Variants in SCUBE1 observed in about 807,000 individuals in gnomAD.
SCUBE1 encodes the protein signal peptide, CUB and EGF-like domain-containing protein 1.
In SCUBE1, 59 loss-of-function variants were observed where a neutral mutation model predicts 124.4. The observed-to-expected ratio is 0.47, with a 90% CI of 0.38 to 0.59. The LOEUF (loss-of-function observed/expected upper bound fraction) is 0.59. Among genes scored for constraint, SCUBE1 ranks in the 20% least tolerant of loss-of-function variants. The probability of loss-of-function intolerance (pLI) is 0.00; values close to 1 mark genes in which losing one functional copy is unlikely to be tolerated. For missense variants in SCUBE1, 1,150 were observed against 1,371.2 expected, an observed-to-expected ratio of 0.84 and a Z score of 2.55; for synonymous variants, 545 against 550.9, an observed-to-expected ratio of 0.99 and a Z score of 0.15.
intron 1 of SCUBE1, 30 bp downstream of exon 1, chr22:43,343,144 C>T (rs1161844900): frequency 3.1e-5 from 35 of 1,117,786 alleles, no homozygotes; most frequent in Non-Finnish European, 3.6e-5. Flanking sequence ...CCCCCGCGCC[C>T]GCCGCCCCCC....
chr22:43,278,312 C>A (rs1447047910), intron 4 of SCUBE1, among the ~76,000 whole-genome samples: 1 of 152,236 alleles, frequency 6.6e-6, no homozygotes, highest in Non-Finnish European at 1.5e-5. Context: ...GCCTGGCGCC[C>A]TTGCCTGGCT....
At chr22:43,319,733 G>A (rs1230301310) in intron 3 of SCUBE1, among the ~76,000 whole-genome samples, 1 of 152,048 alleles carries the variant, frequency 6.6e-6, no homozygotes, top group African/African-American at 2.4e-5. Context: ...CCTCGATCTT[G>A]GACTGCCAGA....
intron 7 of SCUBE1, among the ~76,000 whole-genome samples, chr22:43,236,450 T>C (rs1024685625): frequency 2.6e-5 from 4 of 152,228 alleles, no homozygotes; most frequent in African/African-American, 9.6e-5. Context: ...TGCCTGGCTG[T>C]TGGTCTTCCA....
chr22:43,327,639 T>C (rs1311892098), intron 2 of SCUBE1, among the ~76,000 whole-genome samples: 1 of 151,692 alleles, frequency 6.6e-6, no homozygotes, highest in East Asian at 1.9e-4. Context: ...TACAAAAAAT[T>C]AGCCAGGCAT....
In SCUBE1 at chr22:43,203,418, T is replaced by A. The variant is rs1921087780; in HGVS notation, c.*579A>T. 6.7e-6 allele frequency: 1 copy of A among 150,038 alleles called. No individual in the cohort carries two copies. Among genetic ancestry groups the A allele is most frequent in the African/African-American group, 2.4e-5 (1 of 40,966 alleles). 9.3% of individuals were successfully genotyped at this position (150,038 alleles called of 1,614,324 possible). A position where few individuals can be genotyped will look rare whatever the true frequency, so the allele number is the denominator to read the frequency against. ...TATATATAGAGTACTTCATTAAATG[T>A]TCTGTTGAAGGAATGCAGAAACTTC... On this transcript the variant is annotated 3_prime_UTR_variant, in exon 22 of 22. Transcript: ENST00000360835.
intron 16 of SCUBE1, among the ~76,000 whole-genome samples, chr22:43,212,986 A>G (rs1221924002): frequency 6.6e-6 from 1 of 152,166 alleles, no homozygotes; most frequent in Non-Finnish European, 1.5e-5. Flanking sequence ...GCACCTGCTC[A>G]GCTTCAGGGT....
intron 6 of SCUBE1, among the ~76,000 whole-genome samples, chr22:43,254,246 G>A (rs1384282830): frequency 6.6e-6 from 1 of 152,180 alleles, no homozygotes; most frequent in Non-Finnish European, 1.5e-5. Flanking sequence ...GAGAAAGAGG[G>A]CCACACCTGT....
At chr22:43,254,642 T>C (rs967554699) in intron 6 of SCUBE1, among the ~76,000 whole-genome samples, 1 of 152,174 alleles carries the variant, frequency 6.6e-6, no homozygotes, top group African/African-American at 2.4e-5. Flanking sequence ...CCGCGCTACC[T>C]GACCCCATAG....
rs756417433 is a variant in SCUBE1, at chr22:43,266,763, C to T, written c.485-3918G>A. Among the ~76,000 whole-genome samples, 6 of 152,152 alleles carry T rather than the reference C, an allele frequency of 3.9e-5. No homozygotes were observed. The East Asian group carries it at 5.8e-4, about 15-fold the overall frequency. On this transcript the variant is annotated intron_variant, in intron 4 of 21. Transcript: ENST00000360835. ...ACCTGGTGCAGAGTGGGCGACTACA[C>T]GGTGCCTGTTACTGGCCACTGTTTC...
intron 7 of SCUBE1, chr22:43,238,431 C>T (rs1922857214): frequency 4.0e-6 from 2 of 495,080 alleles, no homozygotes; most frequent in African/African-American, 3.8e-5. Context: ...TCTGCAAGAC[C>T]CACTGCAACC....
chr22:43,327,394 A>G (rs946494272), intron 2 of SCUBE1, among the ~76,000 whole-genome samples: 1 of 152,234 alleles, frequency 6.6e-6, no homozygotes, highest in Non-Finnish European at 1.5e-5. Context: ...TGAGAAAAAA[A>G]GCAGATGAGA....
rs903611025 is a variant in SCUBE1, at chr22:43,303,860, C to T, written c.350-12680G>A. On this transcript the variant is annotated intron_variant, in intron 3 of 21. Transcript: ENST00000360835. Reference sequence around the variant, plus strand: ...TTTTGTTTCCGTCTTTTTGCATGAGCTGATTTTCTCCTAAATGTAATGAGT... The same window carrying T: ...TTTTGTTTCCGTCTTTTTGCATGAGTTGATTTTCTCCTAAATGTAATGAGT... Among the ~76,000 whole-genome samples, 7 of 152,342 alleles carry T rather than the reference C, an allele frequency of 4.6e-5. No homozygotes were observed. The South Asian group carries it at 6.2e-4, about 14-fold the overall frequency.
chr22:43,286,910 G>C (rs1601861062), intron 4 of SCUBE1, among the ~76,000 whole-genome samples: 1 of 152,344 alleles, frequency 6.6e-6, no homozygotes, highest in Non-Finnish European at 1.5e-5. Context: ...GAGAAAAGGA[G>C]ACAGTTCCTC....
intron 6 of SCUBE1, among the ~76,000 whole-genome samples, chr22:43,252,338 T>C (rs116924400): frequency 4.4e-4 from 67 of 152,342 alleles, no homozygotes; most frequent in Middle Eastern, 3.4e-3. Context: ...GCTGGAACCC[T>C]TAGCCCCTCT....
At chr22:43,241,595 C>G (rs1923008418) in intron 6 of SCUBE1, among the ~76,000 whole-genome samples, 1 of 152,144 alleles carries the variant, frequency 6.6e-6, no homozygotes, top group African/African-American at 2.4e-5. Context: ...TGCTCCCTGT[C>G]TGCAGGAATG....
chr22:43,320,830 G>A (rs1926517744), intron 2 of SCUBE1, among the ~76,000 whole-genome samples: 1 of 152,240 alleles, frequency 6.6e-6, no homozygotes, highest in Admixed American at 6.5e-5. Flanking sequence ...CTAGGAAGTG[G>A]CACAAATGGG....
In SCUBE1 at chr22:43,262,734, T is replaced by C. The variant is rs890445107; in HGVS notation, c.596A>G (p.Gln199Arg). ...CRPGFDLAQN[Q>R]KDCTLTCNYG... ...CCTCTACCTACGTGTGCAGTCCTTCTGGTTTTGGGCAAGGTCAAAGCCGGG... is the reference window on the plus strand; with the variant it reads ...CCTCTACCTACGTGTGCAGTCCTTCCGGTTTTGGGCAAGGTCAAAGCCGGG... The change falls in exon 5 of 22, where the codon CAG (glutamine) becomes CGG (arginine). Residue 199 changes from glutamine to arginine, a missense_variant. By Grantham distance (43) the Gln-to-Arg change is conservative. Coordinates refer to ENST00000360835, the MANE Select transcript of SCUBE1 (RefSeq NM_173050.5). 4.3e-6 allele frequency: 7 copies of C among 1,614,042 alleles called. No homozygotes were observed. Among genetic ancestry groups the C allele is most frequent in the African/African-American group, 2.7e-5 (2 of 74,926 alleles).
intron 3 of SCUBE1, among the ~76,000 whole-genome samples, chr22:43,302,716 T>C (rs1653004329): frequency 6.6e-6 from 1 of 152,162 alleles, no homozygotes; most frequent in African/African-American, 2.4e-5. Context: ...TGGCTGGACA[T>C]CTGTAGGAGG....
At chr22:43,338,325 A>G (rs1040892512) in intron 2 of SCUBE1, among the ~76,000 whole-genome samples, 2 of 152,196 alleles carry the variant, frequency 1.3e-5, no homozygotes, top group African/African-American at 4.8e-5. Context: ...GAAAGGCTGG[A>G]GAGACAGATG....
Sources: gnomAD v4.1 joint callset for allele counts (sites outside exome capture counted in the v4.1 genomes callset) on GRCh38, gnomAD v4.1.1 for gene constraint, MANE v1.5 for transcripts, NCBI Gene and HGNC (gene_info 2026-07-23, HGNC 2026-07-21) for gene names.